CORO1C: variants seen among roughly 807,000 people sequenced by gnomAD.
CORO1C encodes the protein coronin-1C.
CORO1C carries 14 observed loss-of-function variants against 51.2 expected under a neutral mutation model. That is an observed-to-expected ratio of 0.27 (90% confidence interval 0.18 to 0.43). The LOEUF (loss-of-function observed/expected upper bound fraction) is 0.43, where lower values mean the gene tolerates loss of function less well. Among genes scored for constraint, CORO1C ranks in the 20% least tolerant of loss-of-function variants. The probability of loss-of-function intolerance (pLI) is 1.00; values close to 1 mark genes in which losing one functional copy is unlikely to be tolerated. For missense variants in CORO1C, 417 were observed against 607.8 expected, an observed-to-expected ratio of 0.69 and a Z score of 3.30; for synonymous variants, 181 against 210.5, an observed-to-expected ratio of 0.86 and a Z score of 1.21.
chr12:108,648,504 A>T (rs1055402268), intron 10 of CORO1C, 101 bp downstream of exon 10: 13 of 1,498,906 alleles, frequency 8.7e-6, no homozygotes, highest in Non-Finnish European at 1.2e-5. Context: ...ACCCCTGAGC[A>T]CCCAGCTGGG....
chr12:108,647,615 A>T, intron 10 of CORO1C, 93 bp from the exon 11 acceptor site: 1 of 934,482 alleles, frequency 1.1e-6, no homozygotes, highest in Non-Finnish European at 1.6e-6. Flanking sequence ...GTAGTTTTCT[A>T]TTTTGCAAAC....
intron 2 of CORO1C, among the ~76,000 whole-genome samples, chr12:108,692,143 G>T (rs1314372115): frequency 6.6e-6 from 1 of 152,126 alleles, no homozygotes; most frequent in Non-Finnish European, 1.5e-5. Flanking sequence ...TCTGCACCTG[G>T]TGCCCTCCCC....
Position 108,652,380 on chromosome 12 carries a change from T to G in CORO1C, c.893A>C (p.Glu298Ala), listed in dbSNP as rs770102962. The G allele has an allele frequency of 6.2e-7, 1 of 1,613,696 alleles. No individual in the cohort carries two copies. Among genetic ancestry groups the G allele is most frequent in the Non-Finnish European group, 8.5e-7 (1 of 1,179,632 alleles). The change falls in exon 8 of 11, where the codon GAA (glutamate) becomes GCA (alanine). Residue 298 changes from glutamate (E) to alanine (A), a missense_variant. By Grantham distance (107) the Glu-to-Ala change is moderately radical. Transcript: ENST00000261401. ...SSIRYFEITD[E>A]SPYVHYLNTF... ...GTTGAGGTAGTGGACGTACGGGGAT[T>G]CATCCGTGATCTCAAAATAGCGAAT...
chr12:108,677,047 T>C (rs920891430), intron 3 of CORO1C, among the ~76,000 whole-genome samples: 1 of 152,216 alleles, frequency 6.6e-6, no homozygotes, highest in Non-Finnish European at 1.5e-5. Flanking sequence ...ATAATTTTAA[T>C]TAATAAAGCT....
At chr12:108,714,461 C>CA (rs1486321202) in intron 1 of CORO1C, among the ~76,000 whole-genome samples, 3 of 149,630 alleles carry the variant, frequency 2.0e-5, no homozygotes, top group Non-Finnish European at 3.0e-5. Flanking sequence ...GAAACACACA[C>CA]ACACACCCCA....
intron 3 of CORO1C, among the ~76,000 whole-genome samples, chr12:108,663,886 G>A (rs1427303064): frequency 6.6e-6 from 1 of 152,178 alleles, no homozygotes; most frequent in Non-Finnish European, 1.5e-5. Flanking sequence ...GTGAAGACAT[G>A]CAGAAGACTC....
intron 3 of CORO1C, among the ~76,000 whole-genome samples, chr12:108,665,502 A>G (rs2136817663): frequency 6.6e-6 from 1 of 152,338 alleles, no homozygotes; most frequent in East Asian, 1.9e-4. Flanking sequence ...TCTAACAGAA[A>G]GCAGAGACTT....
intron 8 of CORO1C, chr12:108,649,310 T>A: frequency 6.6e-6 from 3 of 457,062 alleles, no homozygotes; most frequent in Middle Eastern, 6.1e-4. Flanking sequence ...ACAGACCAAC[T>A]GTGGTGGAAA....
chr12:108,710,059 A>G (rs1310502060), intron 1 of CORO1C, among the ~76,000 whole-genome samples: 2 of 152,256 alleles, frequency 1.3e-5, no homozygotes, highest in Admixed American at 6.5e-5. Flanking sequence ...CATGGGAAAT[A>G]CAAACCTTAC....
chr12:108,705,200 C>T (rs1176146551), intron 1 of CORO1C, among the ~76,000 whole-genome samples: 2 of 152,010 alleles, frequency 1.3e-5, no homozygotes, highest in East Asian at 1.9e-4. Flanking sequence ...GAATGTAGGC[C>T]GGGCATGGTG....
intron 6 of CORO1C, among the ~76,000 whole-genome samples, chr12:108,656,138 A>G (rs7313999): frequency 0.24 from 12,770 of 54,132 alleles, 1,376 homozygotes; most frequent in East Asian, 0.59. Context: ...GAGCCCCTCC[A>G]CCCGGCAGCC....
chr12:108,669,441 C>T (rs1255854517), intron 3 of CORO1C, among the ~76,000 whole-genome samples: 1 of 152,040 alleles, frequency 6.6e-6, no homozygotes, highest in Admixed American at 6.5e-5. Context: ...TTACAGCTTC[C>T]TTTTGACTCT....
At chr12:108,716,897 T>C (rs2035350354) in intron 1 of CORO1C, among the ~76,000 whole-genome samples, 1 of 152,234 alleles carries the variant, frequency 6.6e-6, no homozygotes, top group South Asian at 2.1e-4. Flanking sequence ...CAACAACTAT[T>C]CACTCGGCTT....
In CORO1C at chr12:108,682,694, T is replaced by G. The variant is rs980249779; in HGVS notation, c.196-4300A>C. 8.5e-5 allele frequency among the ~76,000 whole-genome samples: 13 copies of G among 152,304 alleles called. 1 individual carries two copies. The highest frequency in any genetic ancestry group is 3.4e-3 in the Middle Eastern group (1 of 294). On this transcript the variant is annotated intron_variant, in intron 2 of 10. Transcript: ENST00000261401. ...TTGATCTAATGAATATATATAACCT[T>G]GTACCTAACATTTAAAAATACACTT...
chr12:108,676,136 C>T (rs2033901519), intron 3 of CORO1C, among the ~76,000 whole-genome samples: 1 of 152,140 alleles, frequency 6.6e-6, no homozygotes, highest in Non-Finnish European at 1.5e-5. Flanking sequence ...ATTACCACTA[C>T]AAAGAAAGGC....
chr12:108,660,325 C>A (rs1764491603), intron 4 of CORO1C, among the ~76,000 whole-genome samples: 1 of 152,020 alleles, frequency 6.6e-6, no homozygotes, highest in South Asian at 2.1e-4. Flanking sequence ...GTGGCACATG[C>A]CTGTAGTCCC....
intron 4 of CORO1C, among the ~76,000 whole-genome samples, chr12:108,660,451 CAAAAAAAAAAAA>C (rs139334112): frequency 3.4e-5 from 3 of 87,510 alleles, no homozygotes; most frequent in Non-Finnish European, 6.8e-5. Context: ...AACTCCATCT[CAAAAAAAAAAAA>C]AAAAAAAAAA....
rs1029873087 is a variant in CORO1C, at chr12:108,647,106, T to C, written c.*297A>G. 1 of 259,132 alleles carries C rather than the reference T, an allele frequency of 3.9e-6. No homozygotes were observed. Among genetic ancestry groups the C allele is most frequent in the African/African-American group, 2.2e-5 (1 of 45,040 alleles). The allele number at this position is 259,132 out of a possible 1,614,324, so 16.1% of individuals were successfully genotyped here. On this transcript the variant is annotated 3_prime_UTR_variant, in exon 11 of 11. Transcript: ENST00000261401. ...AGTTTGTTTTCTAAAATTCAGAGTA[T>C]CTGGGATTTTAAAAGTAGCACTTTT...
intron 8 of CORO1C, among the ~76,000 whole-genome samples, chr12:108,650,269 G>A (rs963576194): frequency 7.4e-5 from 9 of 121,854 alleles, no homozygotes; most frequent in African/African-American, 1.2e-4. Flanking sequence ...TTGAGGTCTT[G>A]ACCTCCTGGG....
Sources: allele counts gnomAD v4.1 joint callset (sites outside exome capture counted in the v4.1 genomes callset), GRCh38; gene constraint gnomAD v4.1.1; transcripts MANE v1.5; gene names NCBI Gene and HGNC (gene_info 2026-07-23, HGNC 2026-07-21).